Variants in CYP20A1 observed in about 807,000 individuals in gnomAD.
CYP20A1 encodes the protein cytochrome P450 20A1.
Under a neutral mutation model 61.4 loss-of-function variants are expected in CYP20A1, and 61 were observed. That is an observed-to-expected ratio of 0.99 (90% CI 0.81 to 1.23). The LOEUF is 1.23. CYP20A1 is among the 50% of genes most tolerant of loss of function. The probability of loss-of-function intolerance (pLI) is 0.00; values close to 1 mark genes in which losing one functional copy is unlikely to be tolerated. For missense variants in CYP20A1, 530 were observed against 542.4 expected (o/e 0.98, Z 0.23); for synonymous variants, 193 against 188.2 (o/e 1.03, Z -0.21).
At chr2:203,272,246 T>C (rs1428323719) in intron 5 of CYP20A1, among the ~76,000 whole-genome samples, 1 of 152,050 alleles carries the variant, frequency 6.6e-6, no homozygotes, top group Non-Finnish European at 1.5e-5. Context: ...TTAGATTTGT[T>C]GGTGAGGAGA....
intron 10 of CYP20A1, among the ~76,000 whole-genome samples, chr2:203,290,669 G>A (rs976631264): frequency 1.3e-5 from 2 of 152,072 alleles, no homozygotes; most frequent in Admixed American, 6.6e-5. Flanking sequence ...TTGAGACAGA[G>A]TATCACTCTG....
chr2:203,244,403 T>G (rs1449905408), intron 1 of CYP20A1, among the ~76,000 whole-genome samples: 2 of 152,048 alleles, frequency 1.3e-5, no homozygotes, highest in Non-Finnish European at 2.9e-5. Context: ...GGTTGCCATG[T>G]TTGTCAGGCT....
intron 7 of CYP20A1, among the ~76,000 whole-genome samples, chr2:203,279,693 AG>A (rs2067966562): frequency 2.0e-5 from 3 of 152,234 alleles, no homozygotes; most frequent in Non-Finnish European, 4.4e-5. Flanking sequence ...GCTGTTTACT[AG>A]GCTAAGCCAG....
intron 8 of CYP20A1, among the ~76,000 whole-genome samples, chr2:203,280,925 A>G (rs886126151): frequency 2.0e-5 from 3 of 152,152 alleles, no homozygotes; most frequent in Admixed American, 2.0e-4. Context: ...TTTCCAACCA[A>G]AACAGTGAGC....
chr2:203,297,018 C>G lies in CYP20A1; in HGVS notation c.*110C>G. On this transcript the variant is annotated 3_prime_UTR_variant, in exon 13 of 13. Coordinates refer to ENST00000356079, the MANE Select transcript of CYP20A1 (RefSeq NM_177538.3). ...CAGTATCACTTTGTAATATAAACAC[C>G]TATTTGTACTTAATTTTGTAAATTT... The G allele has an allele frequency of 1.6e-6, 1 of 609,720 alleles. No individual in the cohort carries two copies. The highest frequency in any genetic ancestry group is 2.4e-5 in the South Asian group (1 of 41,082). 37.8% of individuals were successfully genotyped at this position (609,720 alleles called of 1,614,324 possible).
intron 4 of CYP20A1, among the ~76,000 whole-genome samples, chr2:203,258,542 C>T (rs2067009402): frequency 6.6e-6 from 1 of 152,182 alleles, no homozygotes; most frequent in African/African-American, 2.4e-5. Context: ...CTACTCTGCA[C>T]ACTTCTGCTT....
chr2:203,250,274 T>C (rs2066610757), intron 3 of CYP20A1, among the ~76,000 whole-genome samples: 1 of 152,240 alleles, frequency 6.6e-6, no homozygotes, highest in African/African-American at 2.4e-5. Context: ...CAGATACTTA[T>C]ATAGCAATTA....
At chr2:203,247,858 A>G (rs891723467) in intron 3 of CYP20A1, among the ~76,000 whole-genome samples, 13 of 152,026 alleles carry the variant, frequency 8.6e-5, no homozygotes, top group African/African-American at 3.1e-4. Flanking sequence ...TTCCATCTCC[A>G]AAAAACACAG....
At chr2:203,282,787 T>G (rs1325094690) in intron 8 of CYP20A1, among the ~76,000 whole-genome samples, 1 of 152,146 alleles carries the variant, frequency 6.6e-6, no homozygotes, top group African/African-American at 2.4e-5. Context: ...AAGATACTTA[T>G]CTCTGCATTT....
Position 203,252,096 on chromosome 2 carries a change from CCCT to C in CYP20A1, c.426_428del (p.Leu143del), listed in dbSNP as rs764658144. 1.9e-6 allele frequency: 3 copies of C among 1,605,754 alleles called. No individual in the cohort carries two copies. The African/African-American group carries it at 4.0e-5, about 22-fold the overall frequency. ...ACTGATTCTCTGAAGAGTAACTTTG[CCCT>C]CCTCCTAAAGGTAAGGTGATAAGTA... On this transcript the variant is annotated inframe_deletion, in exon 4 of 13. Transcript: ENST00000356079.
At chr2:203,278,997 G>T (rs2067936600) in intron 7 of CYP20A1, among the ~76,000 whole-genome samples, 1 of 151,916 alleles carries the variant, frequency 6.6e-6, no homozygotes, top group Non-Finnish European at 1.5e-5. Context: ...ATGGAGTCTC[G>T]CTATGTCGCC....
intron 8 of CYP20A1, among the ~76,000 whole-genome samples, chr2:203,283,357 C>T (rs1286512899): frequency 1.4e-5 from 2 of 143,094 alleles, no homozygotes; most frequent in African/African-American, 5.2e-5. Flanking sequence ...GCTGGGACTA[C>T]AGGCGCCCAC....
At chr2:203,245,714 A>T in intron 1 of CYP20A1, 132 bp from the exon 2 acceptor site, 1 of 518,622 alleles carries the variant, frequency 1.9e-6, no homozygotes. Flanking sequence ...TTTGTATTTT[A>T]ATATGGAAAT....
In CYP20A1 at chr2:203,239,275, G is replaced by T. The variant is rs915881992; in HGVS notation, c.72+141G>T. 15 of 707,216 alleles carry T rather than the reference G, an allele frequency of 2.1e-5. No homozygotes were observed. The Admixed American group carries it at 3.3e-4, about 15-fold the overall frequency. The allele number at this position is 707,216 out of a possible 1,614,324, so 43.8% of individuals were successfully genotyped here. ...CGGGTTCGCTCCAGAGCTTCAGCGCGGGGACCGCACCCGGAGTCACGTGAC... is the reference window on the plus strand; with the variant it reads ...CGGGTTCGCTCCAGAGCTTCAGCGCTGGGACCGCACCCGGAGTCACGTGAC... On this transcript the variant is annotated intron_variant, in intron 1 of 12. Coordinates refer to ENST00000356079, the MANE Select transcript of CYP20A1 (RefSeq NM_177538.3).
chr2:203,258,093 C>T (rs971722556), intron 4 of CYP20A1, among the ~76,000 whole-genome samples: 2 of 106,736 alleles, frequency 1.9e-5, no homozygotes, highest in Non-Finnish European at 2.3e-5. Context: ...TGTAGAGATG[C>T]GGTCACACTA....
At chr2:203,274,533 A>G (rs1378606653) in intron 6 of CYP20A1, among the ~76,000 whole-genome samples, 1 of 152,152 alleles carries the variant, frequency 6.6e-6, no homozygotes, top group Non-Finnish European at 1.5e-5. Context: ...GGAAGCATGC[A>G]GGATAAATTA....
chr2:203,289,833 A>G lies in CYP20A1; in HGVS notation c.1040A>G (p.Gln347Arg). 1 of 1,598,482 alleles carries G rather than the reference A, an allele frequency of 6.3e-7. No homozygotes were observed. The highest frequency in any genetic ancestry group is 8.5e-7 in the Non-Finnish European group (1 of 1,170,952). ...CTGACTCCAGTTTCTGCCCAGCTTC[A>G]AGATATTGAAGGAAAAATTGACCGA... ...AKLTPVSAQL[Q>R]DIEGKIDRFI... Residue 347 changes from glutamine to arginine, a missense_variant, in exon 10 of 13, where the codon CAA (glutamine) becomes CGA (arginine). Physicochemically the swap from Gln to Arg is conservative, Grantham distance 43. Coordinates refer to ENST00000356079, the MANE Select transcript of CYP20A1 (RefSeq NM_177538.3).
At chr2:203,296,167 G>A (rs1472766882) in intron 11 of CYP20A1, among the ~76,000 whole-genome samples, 1 of 152,228 alleles carries the variant, frequency 6.6e-6, no homozygotes, top group African/African-American at 2.4e-5. Context: ...AGGAAGCTGA[G>A]GTAGAAGGAT....
At chr2:203,251,817 A>ATATATATATATATATATAT (rs34111991) in intron 3 of CYP20A1, 150 bp from the exon 4 acceptor site, 5 of 95,288 alleles carry the variant, frequency 5.2e-5, no homozygotes, top group African/African-American at 1.4e-4. Context: ...ATATATATAT[A>ATATATATATATATATATAT]AAAAATAAAA....
Sources: allele counts gnomAD v4.1 joint callset (sites outside exome capture counted in the v4.1 genomes callset), GRCh38; gene constraint gnomAD v4.1.1; transcripts MANE v1.5; gene names NCBI Gene and HGNC (gene_info 2026-07-23, HGNC 2026-07-21).